The following VWA5B1 variants were observed in gnomAD, a reference collection of about 807,000 sequenced individuals.
VWA5B1 encodes the protein von Willebrand factor A domain-containing protein 5B1.
In VWA5B1, 115 loss-of-function variants were observed where a neutral mutation model predicts 118.2. The ratio of observed to expected loss-of-function variants is 0.97; its 90% CI spans 0.84 to 1.14. The LOEUF is 1.14. VWA5B1 is among the 50% of genes most tolerant of loss of function. The probability of loss-of-function intolerance (pLI) is 0.00; values close to 1 mark genes in which losing one functional copy is unlikely to be tolerated. For missense variants in VWA5B1, 1,596 were observed against 1,603.8 expected (o/e 1.00, Z 0.08); for synonymous variants, 682 against 658.4 (o/e 1.04, Z -0.55).
chr1:20,311,350 G>A (rs573501778), intron 2 of VWA5B1, among the ~76,000 whole-genome samples: 1 of 152,330 alleles, frequency 6.6e-6, no homozygotes, highest in East Asian at 1.9e-4. Context: ...CCTCACAAGA[G>A]GAGAGGCATC....
intron 1 of VWA5B1, among the ~76,000 whole-genome samples, chr1:20,302,679 T>A (rs957131002): frequency 6.6e-6 from 1 of 152,114 alleles, no homozygotes; most frequent in Admixed American, 6.5e-5. Flanking sequence ...ATGAGACAGA[T>A]AACGTGAGTG....
In VWA5B1 at chr1:20,348,271, C is replaced by A. The variant is rs371036491; in HGVS notation, c.2791C>A (p.Arg931=). 1.4e-5 allele frequency: 22 copies of A among 1,551,556 alleles called. 1 individual carries two copies. In the South Asian group the frequency reaches 2.0e-4, roughly 14 times the overall value. The change falls in exon 18 of 22, where the codon CGG becomes AGG. Residue 931 remains arginine, a synonymous_variant. Coordinates refer to ENST00000289815, the MANE Select transcript of VWA5B1 (RefSeq NM_001039500.3). ...AGCTGCCCTGCGTATGCTTGGCTCT[C>A]GGGCCCTGGCCCAACAGTGGAGGGG... is the stretch of plus-strand genomic sequence containing the variant. ...SGAALRMLGS[R]ALAQQWRGTS... is the part of the protein sequence containing the mutation.
In VWA5B1 at chr1:20,342,360, TTCCTCCTCCTTC is replaced by T. The variant is rs1043058468; in HGVS notation, c.2134-61_2134-50del. On this transcript the variant is annotated intron_variant, in intron 14 of 21. Coordinates refer to ENST00000289815, the MANE Select transcript of VWA5B1 (RefSeq NM_001039500.3). ...AGGAGGGTCCAGCCACCAGGAGCTC[TTCCTCCTCCTTC>T]TCCTCCTCCTCCTCCTCCTCGTCCT... 4.7e-6 allele frequency: 7 copies of T among 1,485,498 alleles called. No homozygotes were observed. In the African/African-American group the frequency reaches 5.6e-5, roughly 12 times the overall value. The allele number at this position is 1,485,498 out of a possible 1,614,324, so 92.0% of individuals were successfully genotyped here. A position where few individuals can be genotyped will look rare whatever the true frequency, so the allele number is the denominator to read the frequency against.
intron 2 of VWA5B1, among the ~76,000 whole-genome samples, chr1:20,311,512 C>A (rs1274649860): frequency 6.6e-6 from 1 of 152,188 alleles, no homozygotes; most frequent in Non-Finnish European, 1.5e-5. Context: ...ATACAGAAGG[C>A]AGGACTTTGT....
intron 4 of VWA5B1, among the ~76,000 whole-genome samples, chr1:20,316,181 A>G (rs2100857940): frequency 6.6e-6 from 1 of 152,294 alleles, no homozygotes; most frequent in East Asian, 1.9e-4. Context: ...TTCACTGCTA[A>G]TGGAATTAGG....
Position 20,328,988 on chromosome 1 carries a change from C to A in VWA5B1, c.1254+988C>A, listed in dbSNP as rs149215091. Among the ~76,000 whole-genome samples, 1,142 of 152,250 alleles carry A rather than the reference C, an allele frequency of 7.5e-3. 11 individuals are homozygous for A. Among genetic ancestry groups the A allele is most frequent in the African/African-American group, 0.025 (1,043 of 41,534 alleles). On this transcript the variant is annotated intron_variant, in intron 9 of 21. Coordinates refer to ENST00000289815, the MANE Select transcript of VWA5B1 (RefSeq NM_001039500.3). ...ACTGTTCTGTAACCTACTTTTCTAA[C>A]GCAGCAGTCTATCATGAATGTATTT...
chr1:20,342,372 CTCCTCCTCCTCCTCCTCCTCG>C (rs903159784), intron 14 of VWA5B1, 39 bp from the exon 15 acceptor site: 22 of 972,368 alleles, frequency 2.3e-5, no homozygotes, highest in African/African-American at 2.2e-4. Flanking sequence ...CCTCCTCCTT[CTCCTCCTCCTCCTCCTCCTCG>C]TCCTCCTCCT....
chr1:20,354,815 C>CT lies in VWA5B1; in HGVS notation c.*552_*553insT, dbSNP rs397819103. 1 of 152,816 alleles carries CT rather than the reference C, an allele frequency of 6.5e-6. No homozygotes were observed. Among genetic ancestry groups the CT allele is most frequent in the African/African-American group, 2.4e-5 (1 of 41,416 alleles). The allele number at this position is 152,816 out of a possible 1,614,324, so 9.5% of individuals were successfully genotyped here. ...TCCATGGTAACAGCCAAGGACCCCC[C>CT]CTAAATCCCACTTAAAAGCCAATTG... On this transcript the variant is annotated 3_prime_UTR_variant, in exon 22 of 22. Transcript: ENST00000289815.
Position 20,342,516 on chromosome 1 carries a change from G to A in VWA5B1, c.2218G>A (p.Gly740Ser), listed in dbSNP as rs1188013161. The change falls in exon 15 of 22, where the codon GGC (glycine) becomes AGC (serine). Residue 740 changes from glycine to serine, a missense_variant. By Grantham distance (56) the Gly-to-Ser change is moderately conservative. Transcript: ENST00000289815. ...GARRPSLLPQGCQPFLPWGQE... is the reference protein window; with the variant it reads ...GARRPSLLPQSCQPFLPWGQE... ...CCGAAGGCCCTCTCTGCTGCCCCAA[G>A]GCTGCCAGCCCTTCCTGCCCTGGGG... The A allele has an allele frequency of 1.2e-5, 19 of 1,550,628 alleles. No homozygotes were observed. Among genetic ancestry groups the A allele is most frequent in the Admixed American group, 2.0e-5 (1 of 50,844 alleles).
chr1:20,311,168 T>G (rs1413430018), intron 2 of VWA5B1, among the ~76,000 whole-genome samples: 1 of 152,182 alleles, frequency 6.6e-6, no homozygotes, highest in Admixed American at 6.5e-5. Context: ...AGATGGGGTT[T>G]TTCCATGTTG....
chr1:20,340,602 T>C (rs1015169352), intron 14 of VWA5B1, among the ~76,000 whole-genome samples: 4 of 152,220 alleles, frequency 2.6e-5, no homozygotes, highest in Non-Finnish European at 5.9e-5. Flanking sequence ...GTAAGTGTCT[T>C]TTCGCCCTCA....
Position 20,354,478 on chromosome 1 carries a change from C to T in VWA5B1, c.*215C>T, listed in dbSNP as rs919470191. Reference sequence around the variant, plus strand: ...GGCCAGTGCCTGCCCCCGTCTGGGCCTCAGTTTCCTCATCTATAAAATAAG... The same window carrying T: ...GGCCAGTGCCTGCCCCCGTCTGGGCTTCAGTTTCCTCATCTATAAAATAAG... On this transcript the variant is annotated 3_prime_UTR_variant, in exon 22 of 22. Transcript: ENST00000289815. The T allele has an allele frequency of 8.5e-6, 5 of 591,010 alleles. No individual in the cohort carries two copies. The highest frequency in any genetic ancestry group is 1.9e-5 in the African/African-American group (1 of 53,462). 36.6% of individuals were successfully genotyped at this position (591,010 alleles called of 1,614,324 possible). A position where few individuals can be genotyped will look rare whatever the true frequency, so the allele number is the denominator to read the frequency against.
chr1:20,317,497 TGG>T, intron 4 of VWA5B1, 31 bp from the exon 5 acceptor site: 1 of 1,548,502 alleles, frequency 6.5e-7, no homozygotes, highest in Non-Finnish European at 8.7e-7. Flanking sequence ...CCACCCTGGC[TGG>T]TCTCCTTTCC....
In VWA5B1 at chr1:20,348,266, G is replaced by T; in HGVS notation, c.2786G>T (p.Gly929Val). 6.4e-7 allele frequency: 1 copy of T among 1,551,678 alleles called. No individual in the cohort carries two copies. Among genetic ancestry groups the T allele is most frequent in the East Asian group, 2.4e-5 (1 of 40,924 alleles). Residue 929 changes from glycine to valine, a missense_variant, in exon 18 of 22, where the codon GGC becomes GTC. Physicochemically the swap from Gly to Val is moderately radical, Grantham distance 109. Coordinates refer to ENST00000289815, the MANE Select transcript of VWA5B1 (RefSeq NM_001039500.3). ...PNSGAALRMLGSRALAQQWRG... is the reference protein window; with the variant it reads ...PNSGAALRMLVSRALAQQWRG... Reference sequence around the variant, plus strand: ...GAAGGAGCTGCCCTGCGTATGCTTGGCTCTCGGGCCCTGGCCCAACAGTGG... The same window carrying T: ...GAAGGAGCTGCCCTGCGTATGCTTGTCTCTCGGGCCCTGGCCCAACAGTGG...
At chr1:20,309,276 C>T (rs551789508) in intron 1 of VWA5B1, among the ~76,000 whole-genome samples, 38 of 152,354 alleles carry the variant, frequency 2.5e-4, no homozygotes, top group African/African-American at 9.1e-4. Context: ...CAGAGAGTAA[C>T]AGACATCGCT....
intron 8 of VWA5B1, among the ~76,000 whole-genome samples, 197 bp downstream of exon 8, chr1:20,323,729 T>G (rs1404867369): frequency 1.3e-5 from 2 of 152,140 alleles, no homozygotes; most frequent in East Asian, 3.8e-4. Context: ...CTGGCATCCA[T>G]TTATAAGGGA....
At position 20,293,204 on chromosome 1, in the gene VWA5B1, G is replaced by A. The variant is rs1272244934; in HGVS notation, c.-27+2116G>A. Reference sequence around the variant, plus strand: ...GGCCCCTACTCACCTGGCAGCCCCTGGGCCCAGAGGGAAGAAGCACTTTTG... The same window carrying A: ...GGCCCCTACTCACCTGGCAGCCCCTAGGCCCAGAGGGAAGAAGCACTTTTG... On this transcript the variant is annotated intron_variant, in intron 1 of 21. Transcript: ENST00000289815. 3.3e-5 allele frequency among the ~76,000 whole-genome samples: 5 copies of A among 152,348 alleles called. No homozygotes were observed. The East Asian group carries it at 9.6e-4, about 29-fold the overall frequency.
At position 20,350,152 on chromosome 1, in the gene VWA5B1, C is replaced by T; in HGVS notation, c.2879-4C>T. The T allele has an allele frequency of 3.9e-6, 6 of 1,551,210 alleles. No individual in the cohort carries two copies. Among genetic ancestry groups the T allele is most frequent in the Non-Finnish European group, 5.2e-6 (6 of 1,146,934 alleles). ...GTCCAGCCTCACTGGCTCCTCTGTCCTAGACATGGAGGCAAGTCCCACTGC... is the reference window on the plus strand; with the variant it reads ...GTCCAGCCTCACTGGCTCCTCTGTCTTAGACATGGAGGCAAGTCCCACTGC... On this transcript the variant is annotated splice_polypyrimidine_tract_variant and splice_region_variant and intron_variant, in intron 18 of 21. Transcript: ENST00000289815.
intron 12 of VWA5B1, 94 bp from the exon 13 acceptor site, chr1:20,336,209 C>T: frequency 1.8e-6 from 2 of 1,139,750 alleles, no homozygotes; most frequent in South Asian, 4.4e-5. Context: ...GAGATGAAAA[C>T]CGCACCACCT....
Sources: gnomAD v4.1 joint callset for allele counts (sites outside exome capture counted in the v4.1 genomes callset) on GRCh38, gnomAD v4.1.1 for gene constraint, MANE v1.5 for transcripts, NCBI Gene and HGNC (gene_info 2026-07-23, HGNC 2026-07-21) for gene names.